EYS: variants seen among roughly 807,000 people sequenced by gnomAD.
The protein encoded by EYS is EGF-like photoreceptor maintenance factor.
A neutral mutation model predicts 282.1 loss-of-function variants in EYS; 250 were observed. The observed-to-expected ratio is 0.89, with a 90% confidence interval of 0.80 to 0.98. The LOEUF is 0.98. EYS is among the 50% of genes least tolerant of loss of function. The pLI is 0.00. For missense variants in EYS, 4,016 were observed against 3,709.0 expected (o/e 1.08, Z -2.15); for synonymous variants, 1,355 against 1,282.9 (o/e 1.06, Z -1.20).
chr6:63,966,480 A>G (rs998726595), intron 35 of EYS, among the ~76,000 whole-genome samples: 7 of 152,162 alleles, frequency 4.6e-5, no homozygotes, highest in African/African-American at 1.7e-4. Context: ...CATGTGACCA[A>G]ATACCACCTG....
chr6:64,333,235 A>G (rs1345349479), intron 29 of EYS, among the ~76,000 whole-genome samples: 1 of 152,148 alleles, frequency 6.6e-6, no homozygotes, highest in Non-Finnish European at 1.5e-5. Flanking sequence ...TAATGCTATC[A>G]TATACAAACC....
Position 65,057,647 on chromosome 6 carries a change from T to C in EYS, c.2104A>G (p.Asn702Asp). The change falls in exon 13 of 43, where the codon AAT (asparagine) becomes GAT (aspartate). Residue 702 changes from asparagine to aspartate, a missense_variant. Physicochemically the swap from Asn to Asp is conservative, Grantham distance 23 (BLOSUM62 1). Coordinates refer to ENST00000503581, the MANE Select transcript of EYS (RefSeq NM_001142800.2). Reference protein sequence around the residue: ...NGATCIDQPGNYFCQCVPPFK... With the variant: ...NGATCIDQPGDYFCQCVPPFK... ...GGAGGCACACACTGGCAGAAGTAATTACCAGGTTGGTCAATGCAGGTGGCT... is the reference window on the plus strand; with the variant it reads ...GGAGGCACACACTGGCAGAAGTAATCACCAGGTTGGTCAATGCAGGTGGCT... 3 of 1,550,712 alleles carry C rather than the reference T, an allele frequency of 1.9e-6. No homozygotes were observed. Among genetic ancestry groups the C allele is most frequent in the Non-Finnish European group, 2.6e-6 (3 of 1,146,252 alleles).
At position 64,808,391 on chromosome 6, in the gene EYS, G is replaced by A. The variant is rs918369525; in HGVS notation, c.3443+4987C>T. Among the ~76,000 whole-genome samples the A allele has an allele frequency of 3.3e-5, 5 of 151,714 alleles. No individual in the cohort carries two copies. In the South Asian group the frequency reaches 1.0e-3, roughly 32 times the overall value. On this transcript the variant is annotated intron_variant, in intron 22 of 42. Transcript: ENST00000503581. The stretch of plus-strand genomic sequence containing the variant: ...TTATATAACAGCAATAAACATAATG[G>A]GTTTATAACTAGCTTTATATTTGTA...
chr6:64,981,444 T>C (rs183538919), intron 14 of EYS, among the ~76,000 whole-genome samples: 172 of 151,446 alleles, frequency 1.1e-3, no homozygotes, highest in African/African-American at 4.1e-3. Flanking sequence ...TTTTTTTCAC[T>C]GGAGCCACCC....
At chr6:64,107,995 C>T (rs1277708810) in intron 31 of EYS, among the ~76,000 whole-genome samples, 1 of 152,060 alleles carries the variant, frequency 6.6e-6, no homozygotes. Context: ...GATAAAATCC[C>T]AGAAGGTTAG....
At position 64,172,983 on chromosome 6, in the gene EYS, C is replaced by T. The variant is rs150291437; in HGVS notation, c.6424+57609G>A. Among the ~76,000 whole-genome samples, 1,179 of 152,228 alleles carry T rather than the reference C, an allele frequency of 7.7e-3. 5 individuals are homozygous for T. Among genetic ancestry groups the T allele is most frequent in the Non-Finnish European group, 0.013 (875 of 68,020 alleles). ...TCCCTGTTGTCAAAAAGTTTGGGAT[C>T]GCTGCTTTATTCAAGAGACCAACGC... On this transcript the variant is annotated intron_variant, in intron 31 of 42. Transcript: ENST00000503581.
intron 12 of EYS, among the ~76,000 whole-genome samples, chr6:65,279,571 G>A (rs892383933): frequency 1.3e-5 from 2 of 151,546 alleles, no homozygotes; most frequent in African/African-American, 4.9e-5. Context: ...TTTTTCCCTA[G>A]CCATTCCCCC....
intron 22 of EYS, among the ~76,000 whole-genome samples, chr6:64,673,218 C>G (rs1769528223): frequency 6.6e-6 from 1 of 152,068 alleles, no homozygotes; most frequent in Non-Finnish European, 1.5e-5. Context: ...AGAATCTTCT[C>G]ACTCCTCACA....
At chr6:65,499,617 C>A (rs1435312591) in intron 2 of EYS, among the ~76,000 whole-genome samples, 1 of 151,922 alleles carries the variant, frequency 6.6e-6, no homozygotes, top group Non-Finnish European at 1.5e-5. Context: ...TACAAAAGTT[C>A]TCATAATTTA....
chr6:64,742,209 A>C (rs1772398818), intron 22 of EYS, among the ~76,000 whole-genome samples: 1 of 152,148 alleles, frequency 6.6e-6, no homozygotes, highest in Non-Finnish European at 1.5e-5. Context: ...GAGAGATTTG[A>C]GGAGAGGAGA....
At chr6:64,988,096 G>A (rs1466384406) in intron 14 of EYS, among the ~76,000 whole-genome samples, 1 of 151,228 alleles carries the variant, frequency 6.6e-6, no homozygotes, top group Non-Finnish European at 1.5e-5. Flanking sequence ...AAGCACAGCA[G>A]CTACAGGAAG....
intron 35 of EYS, among the ~76,000 whole-genome samples, chr6:63,881,917 T>C (rs904304410): frequency 6.6e-6 from 1 of 152,220 alleles, no homozygotes; most frequent in African/African-American, 2.4e-5. Context: ...GCTATTGTTA[T>C]CCTTGAGACT....
In EYS at chr6:64,820,774, C is replaced by T. The variant is rs901637392; in HGVS notation, c.3243+871G>A. 7.9e-5 allele frequency among the ~76,000 whole-genome samples: 12 copies of T among 151,962 alleles called. 1 individual carries two copies. The highest frequency in any genetic ancestry group is 2.4e-4 in the African/African-American group (10 of 41,400). On this transcript the variant is annotated intron_variant, in intron 21 of 42. Coordinates refer to ENST00000503581, the MANE Select transcript of EYS (RefSeq NM_001142800.2). Reference sequence around the variant, plus strand: ...ATATAGAGTTTCCATCTTGGTTCTCCGTGAATGCATTTAACTACTCCATCA... The same window carrying T: ...ATATAGAGTTTCCATCTTGGTTCTCTGTGAATGCATTTAACTACTCCATCA...
chr6:65,425,910 A>T (rs962151964), intron 5 of EYS, among the ~76,000 whole-genome samples: 3 of 152,054 alleles, frequency 2.0e-5, no homozygotes, highest in Non-Finnish European at 4.4e-5. Flanking sequence ...TATCCACCAA[A>T]CTCAAGTGCA....
chr6:65,008,477 A>G (rs182324581), intron 13 of EYS, among the ~76,000 whole-genome samples: 1 of 152,212 alleles, frequency 6.6e-6, no homozygotes, highest in African/African-American at 2.4e-5. Flanking sequence ...AAAAAAGGCT[A>G]CCGCTTTAGT....
In EYS at chr6:65,376,734, T is replaced by A. The variant is rs1006855276; in HGVS notation, c.1299+7652A>T. ...CAGGGGTTGCAGTCCTAGTCTCTGA[T>A]AAAACAGACGTTAAACCAAGAAATA... On this transcript the variant is annotated intron_variant, in intron 8 of 42. Transcript: ENST00000503581. Among the ~76,000 whole-genome samples, 60 of 152,156 alleles carry A rather than the reference T, an allele frequency of 3.9e-4. 1 individual carries two copies. The highest frequency in any genetic ancestry group is 1.4e-3 in the African/African-American group (57 of 41,526).
intron 33 of EYS, among the ~76,000 whole-genome samples, chr6:64,004,999 C>T (rs992134164): frequency 4.6e-5 from 7 of 152,100 alleles, no homozygotes; most frequent in Non-Finnish European, 1.0e-4. Flanking sequence ...ATTACTGGGT[C>T]GAATGGTAAT....
At chr6:65,584,007 A>C (rs561646003) in intron 2 of EYS, among the ~76,000 whole-genome samples, 1 of 152,172 alleles carries the variant, frequency 6.6e-6, no homozygotes, top group Non-Finnish European at 1.5e-5. Context: ...TTAAAGCAGA[A>C]ACTTTTGTTG....
intron 5 of EYS, among the ~76,000 whole-genome samples, chr6:65,482,680 G>A (rs1309682017): frequency 6.6e-6 from 1 of 152,114 alleles, no homozygotes; most frequent in Non-Finnish European, 1.5e-5. Context: ...CTAACTAAAT[G>A]TCTTACACTA....
Sources: gnomAD v4.1 joint callset for allele counts (sites outside exome capture counted in the v4.1 genomes callset) on GRCh38, gnomAD v4.1.1 for gene constraint, MANE v1.5 for transcripts, NCBI Gene and HGNC (gene_info 2026-07-23, HGNC 2026-07-21) for gene names.